Variants in LINGO2 observed in about 807,000 individuals in gnomAD.
LINGO2 encodes the protein leucine rich repeat and Ig domain containing 2.
Under a neutral mutation model 30.6 loss-of-function variants are expected in LINGO2, and 14 were observed. That is an observed-to-expected ratio of 0.46 (90% CI 0.30 to 0.72). The LOEUF (loss-of-function observed/expected upper bound fraction) is 0.72, where lower values mean the gene tolerates loss of function less well. Among genes scored for constraint, LINGO2 ranks in the 30% least tolerant of loss-of-function variants. The pLI is 0.07. For synonymous variants in LINGO2, 317 were observed against 288.5 expected (o/e 1.10, Z -1.00); for missense variants, 729 against 751.7 (o/e 0.97, Z 0.35).
chr9:28,385,329 G>C (rs1021005324), intron 2 of LINGO2, among the ~76,000 whole-genome samples: 1 of 152,066 alleles, frequency 6.6e-6, no homozygotes, highest in African/African-American at 2.4e-5. Context: ...AAAATTCACT[G>C]GGCTTACCTA....
chr9:29,188,747 G>C, the LINGO2 span, among the ~76,000 whole-genome samples: 1 of 141,348 alleles, frequency 7.1e-6, no homozygotes, highest in African/African-American at 2.6e-5. Context: ...TGGCCGGGCA[G>C]AGGGGCTCCT....
intron 4 of LINGO2, among the ~76,000 whole-genome samples, chr9:28,244,006 A>G (rs572850326): frequency 1.3e-5 from 2 of 152,344 alleles, no homozygotes; most frequent in Admixed American, 6.5e-5. Flanking sequence ...TCTCTACCCC[A>G]AAACAATAGA....
rs555559569 is a variant in LINGO2 at position 28,077,726 on chromosome 9, C to A, written c.-86-65321G>T. Among the ~76,000 whole-genome samples, 13 of 148,468 alleles carry A rather than the reference C, an allele frequency of 8.8e-5. No homozygotes were observed. The South Asian group carries it at 2.5e-3, about 29-fold the overall frequency. ...AAAAAATAAAAACCAAAACCCACTC[C>A]AATGTTATCTAGAGATTTTTCAATG... On this transcript the variant is annotated intron_variant, in intron 4 of 5. Coordinates refer to ENST00000379992, the Ensembl canonical transcript of LINGO2.
At chr9:28,343,925 G>T (rs1819462899) in intron 3 of LINGO2, among the ~76,000 whole-genome samples, 1 of 152,066 alleles carries the variant, frequency 6.6e-6, no homozygotes, top group Admixed American at 6.6e-5. Context: ...TGGCAGGGAG[G>T]AATAATTGAG....
intron 1 of LINGO2, among the ~76,000 whole-genome samples, chr9:28,486,962 G>C (rs1001147828): frequency 2.6e-5 from 4 of 152,050 alleles, no homozygotes; most frequent in African/African-American, 9.7e-5. Context: ...GTGCCAAGCA[G>C]AGACAGCGGG....
intron 4 of LINGO2, among the ~76,000 whole-genome samples, chr9:28,181,872 A>G (rs1819349537): frequency 6.6e-6 from 1 of 152,182 alleles, no homozygotes; most frequent in South Asian, 2.1e-4. Flanking sequence ...AACATCATGA[A>G]AATGGCCATA....
At chr9:28,790,452 T>C in the LINGO2 span, among the ~76,000 whole-genome samples, 2 of 150,302 alleles carry the variant, frequency 1.3e-5, no homozygotes, top group African/African-American at 4.9e-5. Context: ...CCTCAGCCTC[T>C]GGAGTAGCTG....
intron 3 of LINGO2, among the ~76,000 whole-genome samples, chr9:28,354,396 C>T (rs1820071790): frequency 6.6e-6 from 1 of 152,110 alleles, no homozygotes; most frequent in South Asian, 2.1e-4. Context: ...AAAAACTTCA[C>T]AAAATCCTAC....
Position 28,526,055 on chromosome 9 carries a change from C to CAAAAA in LINGO2, c.-364-50035_-364-50031dup, listed in dbSNP as rs58629857. ...TGGGTGACAGAGCGAGACTCCGTCT[C>CAAAAA]AAAAAAAAAAAAAAAAAAAAAGCCA... On this transcript the variant is annotated intron_variant, in intron 1 of 5. Coordinates refer to ENST00000379992, the Ensembl canonical transcript of LINGO2. Among the ~76,000 whole-genome samples the CAAAAA allele has an allele frequency of 7.3e-3, 354 of 48,474 alleles. 67 individuals carry two copies. The highest frequency in any genetic ancestry group is 0.038 in the Middle Eastern group (2 of 52). The allele number at this position is 48,474 out of a possible 152,430, so 31.8% of individuals were successfully genotyped here. A position where few individuals can be genotyped will look rare whatever the true frequency, so the allele number is the denominator to read the frequency against.
At chr9:28,617,726 C>A (rs922636705) in intron 1 of LINGO2, among the ~76,000 whole-genome samples, 3 of 151,336 alleles carry the variant, frequency 2.0e-5, no homozygotes, top group African/African-American at 7.3e-5. Flanking sequence ...TTCATCTTTA[C>A]TTTTTTTTTA....
the LINGO2 span, among the ~76,000 whole-genome samples, chr9:28,874,533 A>T: frequency 6.6e-6 from 1 of 152,026 alleles, no homozygotes; most frequent in Non-Finnish European, 1.5e-5. Flanking sequence ...ATATAACAAA[A>T]TCATATATTT....
chr9:28,843,089 G>C, the LINGO2 span, among the ~76,000 whole-genome samples: 5 of 151,764 alleles, frequency 3.3e-5, no homozygotes, highest in Non-Finnish European at 5.9e-5. Flanking sequence ...TTCTGATTAA[G>C]GCTATTGTAC....
chr9:28,745,138 T>C, the LINGO2 span, among the ~76,000 whole-genome samples: 1 of 152,044 alleles, frequency 6.6e-6, no homozygotes, highest in African/African-American at 2.4e-5. Flanking sequence ...TGAGAGAGTA[T>C]AGCATTGGGC....
Position 28,501,695 on chromosome 9 carries a change from A to G in LINGO2, c.-364-25670T>C, listed in dbSNP as rs142979178. Among the ~76,000 whole-genome samples the G allele has an allele frequency of 3.9e-3, 599 of 152,254 alleles. 3 individuals carry two copies. The highest frequency in any genetic ancestry group is 6.2e-3 in the Non-Finnish European group (421 of 67,986). On this transcript the variant is annotated intron_variant, in intron 1 of 5. Coordinates refer to ENST00000379992, the Ensembl canonical transcript of LINGO2. The stretch of plus-strand genomic sequence containing the variant: ...AGAGGCATACCTAAGAAACACACAC[A>G]CACCCCTACATACAGGTGATACTAC...
chr9:28,304,706 G>A (rs933221457), intron 3 of LINGO2, among the ~76,000 whole-genome samples: 7 of 152,010 alleles, frequency 4.6e-5, no homozygotes, highest in Non-Finnish European at 7.4e-5. Context: ...TTACTTTTAG[G>A]TATTTGTTTA....
chr9:27,949,431 T>G, exon 6 of LINGO2: 1 of 1,614,134 alleles, frequency 6.2e-7, no homozygotes, highest in Non-Finnish European at 8.5e-7. Context: ...CAACTTCTTT[T>G]CACGGATTTT....
exon 6 of LINGO2, chr9:27,949,408 C>T (rs1421873969): frequency 6.2e-7 from 1 of 1,614,148 alleles, no homozygotes; most frequent in East Asian, 2.2e-5. Context: ...CCTTCATCTA[C>T]TAGCAGATGC....
intron 3 of LINGO2, 125 bp downstream of exon 5, chr9:28,372,711 A>G (rs1022599542): frequency 1.3e-5 from 2 of 152,592 alleles, no homozygotes; most frequent in Non-Finnish European, 2.9e-5. Flanking sequence ...ATTTAAACTG[A>G]TGGATATGTT....
chr9:28,846,113 T>G, the LINGO2 span, among the ~76,000 whole-genome samples: 1 of 151,778 alleles, frequency 6.6e-6, no homozygotes, highest in Non-Finnish European at 1.5e-5. Context: ...AAGCTCACTG[T>G]GCATTTACCT....
Sources: allele counts gnomAD v4.1 joint callset (sites outside exome capture counted in the v4.1 genomes callset), GRCh38; gene constraint gnomAD v4.1.1; transcripts MANE v1.5; gene names NCBI Gene and HGNC (gene_info 2026-07-23, HGNC 2026-07-21).